Variants in PPM1L observed in about 807,000 individuals in gnomAD.
PPM1L encodes the protein protein phosphatase 1L.
A neutral mutation model predicts 31.4 loss-of-function variants in PPM1L; 13 were observed. That is an observed-to-expected ratio of 0.41 (90% CI 0.27 to 0.66). PPM1L has a LOEUF of 0.66. PPM1L is among the 30% of genes least tolerant of loss of function. The pLI is 0.29. For missense variants in PPM1L, 326 were observed against 453.7 expected (o/e 0.72, Z 2.56); for synonymous variants, 184 against 175.4 (o/e 1.05, Z -0.39).
At chr3:161,053,942 A>C (rs1440441649) in intron 2 of PPM1L, among the ~76,000 whole-genome samples, 1 of 151,856 alleles carries the variant, frequency 6.6e-6, no homozygotes, top group Non-Finnish European at 1.5e-5. Flanking sequence ...AGGAAAAGAA[A>C]ATTTTAATTT....
rs188777678 is a variant in PPM1L at position 160,812,099 on chromosome 3, C to T, written c.399+55392C>T. Among the ~76,000 whole-genome samples the T allele has an allele frequency of 1.7e-3, 254 of 152,292 alleles. 5 individuals are homozygous for T. The highest frequency in any genetic ancestry group is 0.016 in the Admixed American group (251 of 15,302). ...TTTTCTCAGCTCACGATGTTAGCGC[C>T]TTCCATGCTCTTTAGCTGCCTAAAG... is the stretch of plus-strand genomic sequence containing the variant. On this transcript the variant is annotated intron_variant, in intron 1 of 3. Transcript: ENST00000498165.
intron 1 of PPM1L, among the ~76,000 whole-genome samples, chr3:160,890,500 A>G (rs1161117849): frequency 6.6e-6 from 1 of 152,190 alleles, no homozygotes. Flanking sequence ...AGGGAAAAAC[A>G]TTTCATCCTC....
chr3:161,059,229 G>A (rs986586529), intron 2 of PPM1L, among the ~76,000 whole-genome samples: 2 of 152,136 alleles, frequency 1.3e-5, no homozygotes, highest in Non-Finnish European at 2.9e-5. Flanking sequence ...ATGGTGTGGT[G>A]AGGATGGAAG....
intron 1 of PPM1L, among the ~76,000 whole-genome samples, chr3:160,798,196 AC>A (rs373935159): frequency 5.5e-5 from 8 of 146,070 alleles, no homozygotes; most frequent in African/African-American, 1.9e-4. Context: ...AAACAAACAA[AC>A]AAACAAAAAT....
At chr3:160,945,001 C>CTATATATAACA (rs1715339657) in intron 1 of PPM1L, among the ~76,000 whole-genome samples, 1 of 41,182 alleles carries the variant, frequency 2.4e-5, no homozygotes, top group African/African-American at 6.7e-5. Flanking sequence ...ATATATATAA[C>CTATATATAACA]TATATATAAC....
At chr3:160,860,572 G>T (rs936550367) in intron 1 of PPM1L, among the ~76,000 whole-genome samples, 1 of 152,184 alleles carries the variant, frequency 6.6e-6, no homozygotes, top group African/African-American at 2.4e-5. Flanking sequence ...GCAGATTTAG[G>T]ATTAGCACTT....
chr3:160,970,210 T>C (rs904965606), intron 2 of PPM1L, among the ~76,000 whole-genome samples: 1 of 152,176 alleles, frequency 6.6e-6, no homozygotes. Context: ...TCCCAGAATT[T>C]GGTGGTCTGT....
Position 161,065,496 on chromosome 3 carries a change from A to C in PPM1L, c.668A>C (p.Asn223Thr). 1 of 1,614,086 alleles carries C rather than the reference A, an allele frequency of 6.2e-7. No homozygotes were observed. Among genetic ancestry groups the C allele is most frequent in the Non-Finnish European group, 8.5e-7 (1 of 1,179,958 alleles). The change falls in exon 3 of 4, where the codon AAC becomes ACC. Residue 223 changes from asparagine (N) to threonine (T), a missense_variant. Physicochemically the swap from Asn to Thr is moderately conservative, Grantham distance 65. Coordinates refer to ENST00000498165, the MANE Select transcript of PPM1L (RefSeq NM_139245.4). ...GGGGTCCTGTGTGACAAAGATGGGA[A>C]CGCTATTCCTTTGTCTCATGATCAC... is the stretch of plus-strand genomic sequence containing the variant. The part of the protein sequence containing the change: ...SRGVLCDKDG[N>T]AIPLSHDHKP...
intron 1 of PPM1L, among the ~76,000 whole-genome samples, chr3:160,875,609 T>C (rs1358588146): frequency 6.6e-6 from 1 of 152,228 alleles, no homozygotes; most frequent in African/African-American, 2.4e-5. Context: ...TAGAAGTTAT[T>C]GAGGATTTAC....
At chr3:160,855,977 C>T (rs780473787) in intron 1 of PPM1L, among the ~76,000 whole-genome samples, 34 of 152,126 alleles carry the variant, frequency 2.2e-4, no homozygotes, top group Admixed American at 3.9e-4. Context: ...AATAGGCTGT[C>T]TGCAAGCTGA....
Position 161,075,641 on chromosome 3 carries a change from T to C in PPM1L, c.*6484T>C, listed in dbSNP as rs1459363786. 6.6e-6 allele frequency: 1 copy of C among 152,206 alleles called. No homozygotes were observed. The highest frequency in any genetic ancestry group is 1.9e-4 in the East Asian group (1 of 5,202). 9.4% of individuals were successfully genotyped at this position (152,206 alleles called of 1,614,324 possible). A position where few individuals can be genotyped will look rare whatever the true frequency, so the allele number is the denominator to read the frequency against. On this transcript the variant is annotated 3_prime_UTR_variant, in exon 4 of 4. Coordinates refer to ENST00000498165, the MANE Select transcript of PPM1L (RefSeq NM_139245.4). ...CAAAATTAGAATGTAAAGGAAAGCA[T>C]TTTTAAGAAAATACAGAAGCCCAAA...
intron 1 of PPM1L, among the ~76,000 whole-genome samples, chr3:160,839,579 C>T (rs1254559441): frequency 1.3e-5 from 2 of 152,294 alleles, no homozygotes; most frequent in East Asian, 1.9e-4. Flanking sequence ...TGCTAACCTT[C>T]TGAATATGAT....
intron 1 of PPM1L, among the ~76,000 whole-genome samples, chr3:160,776,651 T>G (rs974772822): frequency 6.6e-6 from 1 of 151,018 alleles, no homozygotes; most frequent in African/African-American, 2.4e-5. Context: ...TCGCCCAGGT[T>G]ATAGTGCAGT....
intron 1 of PPM1L, among the ~76,000 whole-genome samples, chr3:160,759,913 T>C (rs1224431731): frequency 6.6e-6 from 1 of 152,138 alleles, no homozygotes; most frequent in Non-Finnish European, 1.5e-5. Context: ...GCCTGTAAGG[T>C]GCACCTTCAT....
At chr3:160,818,568 C>G (rs1204034343) in intron 1 of PPM1L, among the ~76,000 whole-genome samples, 1 of 151,970 alleles carries the variant, frequency 6.6e-6, no homozygotes, top group East Asian at 1.9e-4. Flanking sequence ...TAAGATAGCT[C>G]ACAGAAAAAA....
chr3:161,036,444 G>T (rs1215480648), intron 2 of PPM1L, among the ~76,000 whole-genome samples: 2 of 152,176 alleles, frequency 1.3e-5, no homozygotes, highest in Non-Finnish European at 2.9e-5. Flanking sequence ...GCAAGATGGG[G>T]ATATGAGAGT....
intron 1 of PPM1L, among the ~76,000 whole-genome samples, chr3:160,895,605 G>A (rs1401136320): frequency 2.0e-5 from 3 of 152,104 alleles, no homozygotes; most frequent in African/African-American, 7.2e-5. Flanking sequence ...TCTATTTTGT[G>A]TCTTGGAATG....
At chr3:160,927,286 T>C (rs1415804463) in intron 1 of PPM1L, among the ~76,000 whole-genome samples, 1 of 152,214 alleles carries the variant, frequency 6.6e-6, no homozygotes, top group Non-Finnish European at 1.5e-5. Context: ...AAAAGCAAAG[T>C]AATTTCCAGT....
intron 2 of PPM1L, among the ~76,000 whole-genome samples, chr3:161,012,899 C>T (rs1174083436): frequency 2.6e-5 from 4 of 151,706 alleles, no homozygotes; most frequent in Non-Finnish European, 5.9e-5. Context: ...CTATTTGATT[C>T]TTCTCTCTTT....
Sources: gnomAD v4.1 joint callset for allele counts (sites outside exome capture counted in the v4.1 genomes callset) on GRCh38, gnomAD v4.1.1 for gene constraint, MANE v1.5 for transcripts, NCBI Gene and HGNC (gene_info 2026-07-23, HGNC 2026-07-21) for gene names.